NIPA2: variants seen among roughly 807,000 people sequenced by gnomAD.
NIPA2 encodes magnesium transporter NIPA2.
Under a neutral mutation model 29.7 loss-of-function variants are expected in NIPA2, and 11 were observed. The ratio of observed to expected loss-of-function variants is 0.37; its 90% confidence interval spans 0.23 to 0.61. The LOEUF (loss-of-function observed/expected upper bound fraction) is 0.61. Among genes scored for constraint, NIPA2 ranks in the 20% least tolerant of loss-of-function variants. NIPA2 has a pLI of 0.66. For synonymous variants in NIPA2, 183 were observed against 161.9 expected, an observed-to-expected ratio of 1.13 and a Z score of -0.99; for missense variants, 426 against 437.9, an observed-to-expected ratio of 0.97 and a Z score of 0.24.
At chr15:22,864,512 AGTTT>A in intron 7 of NIPA2, among the ~76,000 whole-genome samples, 2 of 152,208 alleles carry the variant, frequency 1.3e-5, no homozygotes, top group East Asian at 3.9e-4. Flanking sequence ...AAAAGCTTCC[AGTTT>A]CATGGCTGGC....
intron 5 of NIPA2, 152 bp downstream of exon 5, chr15:22,853,420 C>A (rs565162564): frequency 8.6e-6 from 4 of 466,470 alleles, no homozygotes; most frequent in Non-Finnish European, 1.5e-5. Context: ...GTCACCCAGG[C>A]TGGAGTGCAG....
At chr15:22,847,837 G>T (rs966987918) in intron 3 of NIPA2, among the ~76,000 whole-genome samples, 3 of 151,530 alleles carry the variant, frequency 2.0e-5, no homozygotes, top group South Asian at 4.2e-4. Context: ...CTATCTTGTT[G>T]CCCAGGCTGG....
chr15:22,866,188 T>G, intron 7 of NIPA2, 25 bp from the exon 8 acceptor site: 1 of 1,596,798 alleles, frequency 6.3e-7, no homozygotes, highest in Non-Finnish European at 8.6e-7. Flanking sequence ...ATTTGACTCA[T>G]GTAACTTTTC....
chr15:22,863,035 G>A (rs2058730074), intron 7 of NIPA2, among the ~76,000 whole-genome samples: 1 of 150,372 alleles, frequency 6.7e-6, no homozygotes, highest in Non-Finnish European at 1.5e-5. Flanking sequence ...CTGTGTAGCT[G>A]GGACTACAGG....
Position 22,859,309 on chromosome 15 carries a change from T to C in NIPA2, c.287+679T>C, listed in dbSNP as rs1481429674. Among the ~76,000 whole-genome samples the C allele has an allele frequency of 9.1e-5, 12 of 132,364 alleles. No individual in the cohort carries two copies. The East Asian group carries it at 2.7e-3, about 29-fold the overall frequency. The allele number at this position is 132,364 out of a possible 152,430, so 86.8% of individuals were successfully genotyped here. ...CTTTTTCTTTTTTTTTTTTTTTTTTTTGAGGCGGAGTCTTGCTCTGTCGCC... is the reference window on the plus strand; with the variant it reads ...CTTTTTCTTTTTTTTTTTTTTTTTTCTGAGGCGGAGTCTTGCTCTGTCGCC... On this transcript the variant is annotated intron_variant, in intron 6 of 7. Transcript: ENST00000337451.
chr15:22,853,638 A>G, intron 5 of NIPA2, among the ~76,000 whole-genome samples: 1 of 152,134 alleles, frequency 6.6e-6, no homozygotes, highest in Non-Finnish European at 1.5e-5. Context: ...GCCCTCGCAA[A>G]GTGCTGGGAT....
intron 6 of NIPA2, 53 bp from the exon 7 acceptor site, chr15:22,860,576 A>G: frequency 5.1e-6 from 6 of 1,167,776 alleles, no homozygotes; most frequent in Non-Finnish European, 7.2e-6. Context: ...TTGATATTTG[A>G]AAAAGGAAAG....
At chr15:22,854,211 TCTGCCTC>T (rs1164459448) in intron 5 of NIPA2, among the ~76,000 whole-genome samples, 6 of 151,664 alleles carry the variant, frequency 4.0e-5, no homozygotes, top group Non-Finnish European at 8.8e-5. Flanking sequence ...CACTGCAACC[TCTGCCTC>T]CTGGGTTCAA....
chr15:22,848,145 A>AG (rs943819418), intron 3 of NIPA2, among the ~76,000 whole-genome samples: 4 of 152,236 alleles, frequency 2.6e-5, no homozygotes, highest in African/African-American at 9.6e-5. Flanking sequence ...CATTGAAGTG[A>AG]GGTGACCCTG....
Position 22,866,250 on chromosome 15 carries a change from C to T in NIPA2, c.486C>T (p.Ala162=), listed in dbSNP as rs1566875588. The T allele has an allele frequency of 6.2e-7, 1 of 1,613,926 alleles. No homozygotes were observed. Among genetic ancestry groups the T allele is most frequent in the East Asian group, 2.2e-5 (1 of 44,884 alleles). The change falls in exon 8 of 8, where the codon GCC becomes GCT. Residue 162 remains alanine, a synonymous_variant. Coordinates refer to ENST00000337451, the MANE Select transcript of NIPA2 (RefSeq NM_030922.7). Reference sequence around the variant, plus strand: ...TTGCAACCCTTGTGGTCATTGTGGCCTTGATATTAATCTTCGTGGTGGGTC... The same window carrying T: ...TTGCAACCCTTGTGGTCATTGTGGCTTTGATATTAATCTTCGTGGTGGGTC... ...VVFATLVVIV[A]LILIFVVGPR... is the part of the protein sequence containing the mutation.
At chr15:22,848,727 A>G (rs1348255336) in intron 3 of NIPA2, among the ~76,000 whole-genome samples, 2 of 144,100 alleles carry the variant, frequency 1.4e-5, no homozygotes, top group Non-Finnish European at 3.0e-5. Flanking sequence ...TCAGAGGCTG[A>G]GGCAGGAGAA....
chr15:22,840,306 T>TTG (rs1182662383), intron 2 of NIPA2, among the ~76,000 whole-genome samples: 3 of 150,038 alleles, frequency 2.0e-5, no homozygotes, highest in Non-Finnish European at 3.0e-5. Flanking sequence ...TTTTTTGTTT[T>TTG]TTTTTTTTTG....
intron 3 of NIPA2, among the ~76,000 whole-genome samples, chr15:22,850,354 T>A (rs2057641329): frequency 6.6e-6 from 1 of 151,940 alleles, no homozygotes; most frequent in African/African-American, 2.4e-5. Context: ...ACTGGCACTC[T>A]GTTCCTTACA....
At chr15:22,861,739 T>C (rs754170911) in intron 7 of NIPA2, among the ~76,000 whole-genome samples, 1 of 152,072 alleles carries the variant, frequency 6.6e-6, no homozygotes, top group African/African-American at 2.4e-5. Flanking sequence ...GCTGGGTGCC[T>C]GATGGTTCAT....
chr15:22,839,963 T>A (rs34674561), intron 2 of NIPA2, among the ~76,000 whole-genome samples, 173 bp downstream of exon 2: 66,677 of 152,134 alleles, frequency 0.44, 16,733 homozygotes, highest in Non-Finnish European at 0.56. Flanking sequence ...GGTCTTGCTC[T>A]GTCCCCAGGC....
intron 2 of NIPA2, among the ~76,000 whole-genome samples, chr15:22,840,969 G>A (rs894430904): frequency 2.1e-5 from 3 of 141,776 alleles, no homozygotes. Context: ...GCTATACATT[G>A]TGATATTGAA....
intron 5 of NIPA2, among the ~76,000 whole-genome samples, chr15:22,857,820 G>A (rs1036446508): frequency 8.4e-6 from 1 of 118,800 alleles, no homozygotes. Flanking sequence ...CTGGGCGATA[G>A]AGCAAGACTC....
rs2059229878 is a variant in NIPA2, at chr15:22,867,863, A to AGTT, written c.*1018_*1019insTGT. ...TCTAGAAAATGTTTGTTTATGAAGA[A>AGTT]GTCGATGGAAAACTGCAAACATATG... On this transcript the variant is annotated 3_prime_UTR_variant, in exon 8 of 8. Transcript: ENST00000337451. The AGTT allele has an allele frequency of 6.6e-6, 1 of 152,228 alleles. No individual in the cohort carries two copies. The highest frequency in any genetic ancestry group is 2.4e-5 in the African/African-American group (1 of 41,458). 9.4% of individuals were successfully genotyped at this position (152,228 alleles called of 1,614,324 possible).
At position 22,858,522 on chromosome 15, in the gene NIPA2, T is replaced by C. The variant is rs377262468; in HGVS notation, c.197-18T>C. 262 of 1,579,574 alleles carry C rather than the reference T, an allele frequency of 1.7e-4. No homozygotes were observed. The highest frequency in any genetic ancestry group is 4.4e-4 in the Admixed American group (25 of 56,840). On this transcript the variant is annotated intron_variant, in intron 5 of 7. Transcript: ENST00000337451. ...ATACATTCTTACCTGAGTTTTTCTT[T>C]TGTTGTCTGTCTCTAAGTGGGAGCT...
Sources: allele counts gnomAD v4.1 joint callset (sites outside exome capture counted in the v4.1 genomes callset), GRCh38; gene constraint gnomAD v4.1.1; transcripts MANE v1.5; gene names NCBI Gene and HGNC (gene_info 2026-07-23, HGNC 2026-07-21).